Variants in SUCLG2 observed in about 807,000 individuals in gnomAD.
The protein encoded by SUCLG2 is succinate--CoA ligase [GDP-forming] subunit beta, mitochondrial.
In SUCLG2, 42 loss-of-function variants were observed where a neutral mutation model predicts 47.9. That is an observed-to-expected ratio of 0.88 (90% CI 0.69 to 1.14). The LOEUF is 1.14. Ranked by LOEUF, SUCLG2 falls within the 50% of genes most tolerant of loss-of-function variation. SUCLG2 has a pLI of 0.00. For missense variants in SUCLG2, 571 were observed against 525.9 expected, an observed-to-expected ratio of 1.09 and a Z score of -0.84; for synonymous variants, 195 against 197.3, an observed-to-expected ratio of 0.99 and a Z score of 0.10.
intron 1 of SUCLG2, among the ~76,000 whole-genome samples, chr3:67,645,222 T>C (rs759384945): frequency 6.6e-6 from 1 of 152,178 alleles, no homozygotes; most frequent in South Asian, 2.1e-4. Flanking sequence ...TTATATTTTA[T>C]ACAAAATATA....
intron 6 of SUCLG2, among the ~76,000 whole-genome samples, chr3:67,510,889 CTTTTTTTTTT>C (rs369542916): frequency 0.011 from 1,329 of 124,130 alleles, 25 homozygotes; most frequent in African/African-American, 0.037. Context: ...TTAAATTGTT[CTTTTTTTTTT>C]TTTTTTTTTT....
At chr3:67,476,067 G>A (rs1414093397) in intron 9 of SUCLG2, among the ~76,000 whole-genome samples, 2 of 151,670 alleles carry the variant, frequency 1.3e-5, no homozygotes, top group African/African-American at 4.8e-5. Context: ...TTCAATTTAT[G>A]TGTAACTAAT....
intron 2 of SUCLG2, among the ~76,000 whole-genome samples, chr3:67,549,515 T>C (rs539380845): frequency 2.5e-4 from 38 of 152,352 alleles, no homozygotes; most frequent in Non-Finnish European, 5.0e-4. Context: ...TGAAATGATA[T>C]TAATATAAAG....
intron 2 of SUCLG2, among the ~76,000 whole-genome samples, chr3:67,547,006 GT>G (rs1706883912): frequency 6.6e-6 from 1 of 152,204 alleles, no homozygotes; most frequent in Non-Finnish European, 1.5e-5. Flanking sequence ...TATGGCTAAT[GT>G]TTTTTCTATA....
At chr3:67,547,700 T>G (rs1041352645) in intron 2 of SUCLG2, among the ~76,000 whole-genome samples, 7 of 148,180 alleles carry the variant, frequency 4.7e-5, no homozygotes, top group Non-Finnish European at 1.0e-4. Context: ...CCTAGCCTTA[T>G]GCAAAGGGAA....
intron 7 of SUCLG2, among the ~76,000 whole-genome samples, chr3:67,505,945 G>A (rs1245460528): frequency 6.6e-6 from 1 of 151,992 alleles, no homozygotes; most frequent in Admixed American, 6.6e-5. Flanking sequence ...CTTGGCGACA[G>A]AGTGAGACCC....
intron 9 of SUCLG2, among the ~76,000 whole-genome samples, chr3:67,475,800 C>T (rs1370841394): frequency 6.6e-6 from 1 of 151,888 alleles, no homozygotes; most frequent in African/African-American, 2.4e-5. Context: ...ATGATCCTCC[C>T]ACCTCGGCCT....
At chr3:67,633,890 A>G (rs1700966503) in intron 1 of SUCLG2, among the ~76,000 whole-genome samples, 2 of 152,040 alleles carry the variant, frequency 1.3e-5, no homozygotes, top group African/African-American at 4.8e-5. Context: ...TATTTTTAAA[A>G]TATTTCTTAT....
intron 2 of SUCLG2, among the ~76,000 whole-genome samples, chr3:67,549,991 T>C (rs1004136692): frequency 2.6e-5 from 4 of 152,258 alleles, no homozygotes; most frequent in African/African-American, 9.6e-5. Flanking sequence ...CAGACACCAT[T>C]CAGCTCTACT....
chr3:67,403,885 GTTTA>G lies in SUCLG2; in HGVS notation c.1063-3038_1063-3035del, dbSNP rs375571869. Among the ~76,000 whole-genome samples, 969 of 152,136 alleles carry G rather than the reference GTTTA, an allele frequency of 6.4e-3. 22 individuals are homozygous for G. In the East Asian group the frequency reaches 0.09, roughly 14 times the overall value. On this transcript the variant is annotated intron_variant, in intron 9 of 10. Transcript: ENST00000307227. ...GGATCCTCTTATTTCTTCCTTTTTA[GTTTA>G]TTTATTTATTTTTTGAGACACGTTT... is the stretch of plus-strand genomic sequence containing the variant.
At chr3:67,646,788 G>A (rs1194622640) in intron 1 of SUCLG2, among the ~76,000 whole-genome samples, 5 of 152,098 alleles carry the variant, frequency 3.3e-5, no homozygotes, top group African/African-American at 1.2e-4. Flanking sequence ...CTGGCATAAT[G>A]ACTCACAGCA....
At chr3:67,593,125 G>A (rs999788602) in intron 2 of SUCLG2, among the ~76,000 whole-genome samples, 1 of 152,114 alleles carries the variant, frequency 6.6e-6, no homozygotes, top group African/African-American at 2.4e-5. Flanking sequence ...CTTTAACATG[G>A]TTTTAAAGAT....
At chr3:67,592,743 A>AAAAAAAAAAAAAAAAAAAAAAAAAAAC (rs1559587055) in intron 2 of SUCLG2, among the ~76,000 whole-genome samples, 2 of 148,482 alleles carry the variant, frequency 1.3e-5, no homozygotes, top group African/African-American at 5.1e-5. Context: ...AAAACAACAA[A>AAAAAAAAAAAAAAAAAAAAAAAAAAAC]AAAAAACTGA....
chr3:67,636,269 C>T (rs1170914975), intron 1 of SUCLG2, among the ~76,000 whole-genome samples: 2 of 151,968 alleles, frequency 1.3e-5, no homozygotes, highest in African/African-American at 2.4e-5. Flanking sequence ...TGAAAACACA[C>T]ACAAAGTATG....
chr3:67,578,654 G>A (rs1190406337), intron 2 of SUCLG2, among the ~76,000 whole-genome samples: 5 of 152,160 alleles, frequency 3.3e-5, no homozygotes, highest in African/African-American at 1.2e-4. Flanking sequence ...TTGGTTATGG[G>A]AGATGGGTGT....
chr3:67,639,043 G>A (rs1701054302), intron 1 of SUCLG2, among the ~76,000 whole-genome samples: 1 of 152,184 alleles, frequency 6.6e-6, no homozygotes, highest in Non-Finnish European at 1.5e-5. Flanking sequence ...AAGGCAAGCT[G>A]GGAGATCCAG....
chr3:67,628,781 C>G (rs1700878427), intron 1 of SUCLG2, among the ~76,000 whole-genome samples: 1 of 152,218 alleles, frequency 6.6e-6, no homozygotes, highest in Non-Finnish European at 1.5e-5. Context: ...CCATGTGGAA[C>G]TGTGAGTCCA....
intron 2 of SUCLG2, among the ~76,000 whole-genome samples, chr3:67,576,422 C>G (rs1707744009): frequency 6.6e-6 from 1 of 152,096 alleles, no homozygotes; most frequent in South Asian, 2.1e-4. Context: ...AAAAGGTAGA[C>G]TTAGGAAATT....
In SUCLG2 at chr3:67,630,308, T is replaced by C. The variant is rs141144811; in HGVS notation, c.85-20712A>G. On this transcript the variant is annotated intron_variant, in intron 1 of 10. Transcript: ENST00000307227. Reference sequence around the variant, plus strand: ...CAAACAAGGACACAAGGAAAGAAAATCATTTAAACTGTAGACTTTGGTGGT... The same window carrying C: ...CAAACAAGGACACAAGGAAAGAAAACCATTTAAACTGTAGACTTTGGTGGT... 3.4e-3 allele frequency among the ~76,000 whole-genome samples: 513 copies of C among 152,278 alleles called. 3 individuals carry two copies. Among genetic ancestry groups the C allele is most frequent in the African/African-American group, 0.012 (495 of 41,548 alleles).
Sources: gnomAD v4.1 joint callset for allele counts (sites outside exome capture counted in the v4.1 genomes callset) on GRCh38, gnomAD v4.1.1 for gene constraint, MANE v1.5 for transcripts, NCBI Gene and HGNC (gene_info 2026-07-23, HGNC 2026-07-21) for gene names.